UNC5C: variants seen among roughly 807,000 people sequenced by gnomAD.
UNC5C encodes unc-5 netrin receptor C.
A neutral mutation model predicts 99.8 loss-of-function variants in UNC5C; 47 were observed. The observed-to-expected ratio is 0.47, with a 90% CI of 0.37 to 0.60. The LOEUF (loss-of-function observed/expected upper bound fraction) is 0.60. Among genes scored for constraint, UNC5C ranks in the 20% least tolerant of loss-of-function variants. UNC5C has a pLI of 0.00. For missense variants in UNC5C, 1,062 were observed against 1,165.9 expected, an observed-to-expected ratio of 0.91 and a Z score of 1.30; for synonymous variants, 487 against 452.2, an observed-to-expected ratio of 1.08 and a Z score of -0.98.
At chr4:95,281,584 C>A (rs572393025) in intron 3 of UNC5C, among the ~76,000 whole-genome samples, 1 of 152,078 alleles carries the variant, frequency 6.6e-6, no homozygotes, top group African/African-American at 2.4e-5. Flanking sequence ...GGAAGCAATT[C>A]TAGAAATAAA....
At chr4:95,256,443 T>C (rs1739985480) in intron 4 of UNC5C, among the ~76,000 whole-genome samples, 1 of 152,026 alleles carries the variant, frequency 6.6e-6, no homozygotes, top group South Asian at 2.1e-4. Context: ...TTCCTCTTTC[T>C]TAGCCCATTC....
chr4:95,451,218 G>C (rs541985224), intron 1 of UNC5C, among the ~76,000 whole-genome samples: 4 of 152,250 alleles, frequency 2.6e-5, no homozygotes, highest in African/African-American at 9.6e-5. Context: ...TAAATAAACT[G>C]ATCTACAGGG....
chr4:95,463,097 C>T (rs1030287282), intron 1 of UNC5C, among the ~76,000 whole-genome samples: 6 of 152,154 alleles, frequency 3.9e-5, no homozygotes, highest in African/African-American at 4.8e-5. Context: ...AACTAAACAC[C>T]GGGCTTTCAT....
At chr4:95,527,098 T>C (rs17024131) in intron 1 of UNC5C, among the ~76,000 whole-genome samples, 22,643 of 151,986 alleles carry the variant, frequency 0.15, 2,828 homozygotes, top group African/African-American at 0.33. Context: ...TACCCATGCA[T>C]TTACCCTATT....
intron 1 of UNC5C, among the ~76,000 whole-genome samples, chr4:95,389,915 T>C (rs1745308514): frequency 6.6e-6 from 1 of 152,152 alleles, no homozygotes; most frequent in Non-Finnish European, 1.5e-5. Flanking sequence ...GCTTTTTTAG[T>C]GTGAGTACAA....
intron 12 of UNC5C, among the ~76,000 whole-genome samples, chr4:95,189,795 C>T (rs1736994924): frequency 6.6e-6 from 1 of 152,218 alleles, no homozygotes; most frequent in African/African-American, 2.4e-5. Context: ...AATGAGATAT[C>T]ATCTCACACC....
intron 12 of UNC5C, among the ~76,000 whole-genome samples, chr4:95,188,560 T>C (rs963708617): frequency 4.6e-5 from 7 of 152,222 alleles, no homozygotes; most frequent in African/African-American, 1.7e-4. Context: ...GTGTTACAAT[T>C]TGAGATTTAC....
intron 1 of UNC5C, among the ~76,000 whole-genome samples, chr4:95,476,753 C>T (rs973686657): frequency 7.6e-6 from 1 of 131,582 alleles, no homozygotes; most frequent in African/African-American, 3.9e-5. Context: ...AAGAATTTGT[C>T]CATTTTTTTT....
chr4:95,180,422 A>G (rs539005355), intron 14 of UNC5C, among the ~76,000 whole-genome samples: 5 of 152,256 alleles, frequency 3.3e-5, no homozygotes, highest in African/African-American at 4.8e-5. Flanking sequence ...GCACTTGTCT[A>G]TGAAACCAAC....
chr4:95,222,273 A>T (rs1335913503), intron 7 of UNC5C: 2 of 1,446,702 alleles, frequency 1.4e-6, no homozygotes, highest in Non-Finnish European at 1.8e-6. Flanking sequence ...AAACCTTGAA[A>T]AGAAAAAAAA....
At chr4:95,407,481 T>A (rs1364760097) in intron 1 of UNC5C, among the ~76,000 whole-genome samples, 1 of 152,012 alleles carries the variant, frequency 6.6e-6, no homozygotes, top group Non-Finnish European at 1.5e-5. Context: ...AAACCAATCA[T>A]GCTCAGCTGA....
intron 1 of UNC5C, among the ~76,000 whole-genome samples, chr4:95,468,713 T>C (rs1169206365): frequency 6.6e-6 from 1 of 152,124 alleles, no homozygotes; most frequent in Non-Finnish European, 1.5e-5. Flanking sequence ...AGGACTATGT[T>C]TAATGAGCCT....
intron 1 of UNC5C, among the ~76,000 whole-genome samples, chr4:95,410,550 T>C (rs938252319): frequency 6.6e-6 from 1 of 152,112 alleles, no homozygotes; most frequent in East Asian, 1.9e-4. Context: ...TGAATCAGAC[T>C]CAGAGCTGAA....
chr4:95,185,252 A>G, intron 12 of UNC5C, 56 bp from the exon 13 acceptor site: 3 of 1,539,060 alleles, frequency 1.9e-6, no homozygotes, highest in South Asian at 2.5e-5. Flanking sequence ...CACTTCTGTC[A>G]GCTCTCTCAT....
At chr4:95,337,073 C>A (rs1357154718) in intron 1 of UNC5C, among the ~76,000 whole-genome samples, 1 of 151,870 alleles carries the variant, frequency 6.6e-6, no homozygotes, top group Non-Finnish European at 1.5e-5. Flanking sequence ...TCTTGAAGGT[C>A]TTAACCAATT....
intron 12 of UNC5C, among the ~76,000 whole-genome samples, chr4:95,189,479 A>G (rs1254524944): frequency 2.6e-5 from 4 of 152,166 alleles, no homozygotes; most frequent in African/African-American, 7.2e-5. Flanking sequence ...ACAGAAGCCA[A>G]AATTGACAAT....
At chr4:95,275,071 CACCATGACTTGCTATAAAT>C (rs1180944481) in intron 4 of UNC5C, among the ~76,000 whole-genome samples, 1 of 124,420 alleles carries the variant, frequency 8.0e-6, no homozygotes, top group Non-Finnish European at 1.7e-5. Context: ...GGCAGCAGTA[CACCATGACTTGCTATAAAT>C]AGTTTCATTA....
intron 7 of UNC5C, among the ~76,000 whole-genome samples, chr4:95,235,752 G>A (rs967208321): frequency 6.6e-5 from 10 of 152,136 alleles, no homozygotes; most frequent in South Asian, 2.1e-4. Flanking sequence ...TCCTTTCCCC[G>A]TTTCTTGTTT....
intron 1 of UNC5C, among the ~76,000 whole-genome samples, chr4:95,527,970 T>C (rs1722541454): frequency 6.6e-6 from 1 of 152,122 alleles, no homozygotes; most frequent in Admixed American, 6.6e-5. Context: ...CTATACACTG[T>C]TTACTCTAAA....
Sources: allele counts gnomAD v4.1 joint callset (sites outside exome capture counted in the v4.1 genomes callset), GRCh38; gene constraint gnomAD v4.1.1; transcripts MANE v1.5; gene names NCBI Gene and HGNC (gene_info 2026-07-23, HGNC 2026-07-21).